CALN1: variants seen among roughly 807,000 people sequenced by gnomAD.
CALN1 encodes calneuron 1.
A neutral mutation model predicts 30.6 loss-of-function variants in CALN1; 17 were observed. The ratio of observed to expected loss-of-function variants is 0.56; its 90% CI spans 0.38 to 0.83. CALN1 has a LOEUF of 0.83. CALN1 is among the 40% of genes least tolerant of loss of function. CALN1 has a pLI of 0.00. For missense variants in CALN1, 291 were observed against 354.9 expected, an observed-to-expected ratio of 0.82 and a Z score of 1.45; for synonymous variants, 156 against 131.4, an observed-to-expected ratio of 1.19 and a Z score of -1.28.
chr7:72,207,258 C>T (rs1791960226), intron 3 of CALN1, among the ~76,000 whole-genome samples: 1 of 152,096 alleles, frequency 6.6e-6, no homozygotes, highest in South Asian at 2.1e-4. Flanking sequence ...GAGGGAAGAA[C>T]TTATTCTTAT....
chr7:72,279,082 G>A (rs1797557328), intron 2 of CALN1, among the ~76,000 whole-genome samples: 1 of 152,052 alleles, frequency 6.6e-6, no homozygotes, highest in Admixed American at 6.5e-5. Context: ...TGTTAATCAT[G>A]GCACACCACA....
chr7:72,411,366 G>C (rs1260598351), intron 1 of CALN1, among the ~76,000 whole-genome samples: 1 of 152,032 alleles, frequency 6.6e-6, no homozygotes, highest in East Asian at 1.9e-4. Flanking sequence ...TCATACAAAA[G>C]AGATTCATGT....
At position 72,040,117 on chromosome 7, in the gene CALN1, G is replaced by GA. The variant is rs1802034331; in HGVS notation, c.389-16349dup. ...CCCTTCCCCACCCTGAGAAGGTTAGGAAAAAATTCAACTATTTCCCAAGGA... is the reference window on the plus strand; with the variant it reads ...CCCTTCCCCACCCTGAGAAGGTTAGGAAAAAAATTCAACTATTTCCCAAGGA... On this transcript the variant is annotated intron_variant, in intron 4 of 6. Transcript: ENST00000395275. Among the ~76,000 whole-genome samples the GA allele has an allele frequency of 3.3e-5, 5 of 152,162 alleles. No individual in the cohort carries two copies. The South Asian group carries it at 1.0e-3, about 32-fold the overall frequency.
chr7:72,317,378 T>C (rs935295184), intron 2 of CALN1, among the ~76,000 whole-genome samples: 5 of 152,130 alleles, frequency 3.3e-5, no homozygotes, highest in African/African-American at 1.2e-4. Flanking sequence ...CCTGTTAGGT[T>C]GGTGAGTCTT....
At chr7:72,162,932 A>G (rs1189504113) in intron 3 of CALN1, among the ~76,000 whole-genome samples, 1 of 152,186 alleles carries the variant, frequency 6.6e-6, no homozygotes, top group Non-Finnish European at 1.5e-5. Flanking sequence ...TATTCCAGAA[A>G]GGAGAGAGCT....
At chr7:71,793,400 T>C (rs992090907) in intron 6 of CALN1, among the ~76,000 whole-genome samples, 1 of 152,324 alleles carries the variant, frequency 6.6e-6, no homozygotes, top group South Asian at 2.1e-4. Context: ...CAGTACCCTG[T>C]GCTTTGAAGA....
At chr7:72,371,648 A>G (rs1370890823) in intron 2 of CALN1, among the ~76,000 whole-genome samples, 2 of 152,186 alleles carry the variant, frequency 1.3e-5, no homozygotes, top group East Asian at 1.9e-4. Context: ...TTATAGCAGC[A>G]TAAGAATGGA....
At chr7:71,971,953 AAAAG>A (rs61083921) in intron 5 of CALN1, among the ~76,000 whole-genome samples, 2,550 of 72,590 alleles carry the variant, frequency 0.035, 44 homozygotes, top group East Asian at 0.1. Context: ...AAAAAAAAAA[AAAAG>A]AAAGAAAGAA....
At chr7:72,048,637 A>T (rs1802636657) in intron 4 of CALN1, among the ~76,000 whole-genome samples, 1 of 151,860 alleles carries the variant, frequency 6.6e-6, no homozygotes. Flanking sequence ...CTTTCTGAAA[A>T]ATATAATTTC....
intron 3 of CALN1, among the ~76,000 whole-genome samples, chr7:72,201,027 A>G (rs1024519071): frequency 6.6e-6 from 1 of 152,208 alleles, no homozygotes; most frequent in African/African-American, 2.4e-5. Context: ...CATGGAATCA[A>G]CCTAGGTGCC....
At chr7:72,068,671 A>G (rs1324426193) in intron 4 of CALN1, among the ~76,000 whole-genome samples, 3 of 152,208 alleles carry the variant, frequency 2.0e-5, no homozygotes, top group Non-Finnish European at 1.5e-5. Flanking sequence ...AATTATTTTT[A>G]GCAGACATGG....
At chr7:71,865,564 C>T (rs1315489368) in intron 5 of CALN1, among the ~76,000 whole-genome samples, 1 of 152,204 alleles carries the variant, frequency 6.6e-6, no homozygotes, top group African/African-American at 2.4e-5. Flanking sequence ...CTGGTTCTTC[C>T]CTGCCTCGTT....
At chr7:72,008,667 T>C (rs991581210) in intron 5 of CALN1, among the ~76,000 whole-genome samples, 1 of 151,608 alleles carries the variant, frequency 6.6e-6, no homozygotes, top group Non-Finnish European at 1.5e-5. Flanking sequence ...ATTTTTTTTT[T>C]TTTTTTTTGA....
chr7:72,036,909 T>C (rs1307997154), intron 4 of CALN1, among the ~76,000 whole-genome samples: 1 of 152,076 alleles, frequency 6.6e-6, no homozygotes, highest in East Asian at 1.9e-4. Context: ...TCTCTGGAAA[T>C]CAGATTCTCC....
chr7:72,309,048 T>C (rs893972626), intron 2 of CALN1, among the ~76,000 whole-genome samples: 1 of 152,174 alleles, frequency 6.6e-6, no homozygotes, highest in Non-Finnish European at 1.5e-5. Context: ...CACAGGCCAA[T>C]TAAATAACTG....
chr7:72,441,180 A>G (rs1808331798), intron 1 of CALN1, among the ~76,000 whole-genome samples: 1 of 152,296 alleles, frequency 6.6e-6, no homozygotes, highest in African/African-American at 2.4e-5. Flanking sequence ...GAAAAAGAGA[A>G]CAAGAAAGCA....
chr7:72,133,219 G>A (rs868346124), intron 3 of CALN1, among the ~76,000 whole-genome samples: 2 of 152,014 alleles, frequency 1.3e-5, no homozygotes, highest in African/African-American at 2.4e-5. Context: ...CTAATGACGC[G>A]AGAAATGTTC....
intron 2 of CALN1, among the ~76,000 whole-genome samples, chr7:72,338,903 G>GC (rs575946391): frequency 3.6e-5 from 5 of 140,692 alleles, no homozygotes; most frequent in Non-Finnish European, 7.8e-5. Flanking sequence ...ATTCTAACTT[G>GC]TTTTTTTTTT....
intron 2 of CALN1, among the ~76,000 whole-genome samples, chr7:72,376,036 T>C (rs974046223): frequency 6.6e-6 from 1 of 152,230 alleles, no homozygotes; most frequent in Non-Finnish European, 1.5e-5. Flanking sequence ...TTTCTTTGCC[T>C]AGCATAATGT....
Sources: allele counts gnomAD v4.1 joint callset (sites outside exome capture counted in the v4.1 genomes callset), GRCh38; gene constraint gnomAD v4.1.1; transcripts MANE v1.5; gene names NCBI Gene and HGNC (gene_info 2026-07-23, HGNC 2026-07-21).